ARNT2: variants seen among roughly 807,000 people sequenced by gnomAD.
ARNT2 encodes the protein aryl hydrocarbon receptor nuclear translocator 2.
In ARNT2, 36 loss-of-function variants were observed where a neutral mutation model predicts 91.7. The observed-to-expected ratio is 0.39, with a 90% CI of 0.30 to 0.52. The LOEUF (loss-of-function observed/expected upper bound fraction) is 0.52, where lower values mean the gene tolerates loss of function less well. ARNT2 is among the 20% of genes least tolerant of loss of function. The probability of loss-of-function intolerance (pLI) is 0.72; values close to 1 mark genes in which losing one functional copy is unlikely to be tolerated. For synonymous variants in ARNT2, 365 were observed against 347.1 expected, an observed-to-expected ratio of 1.05 and a Z score of -0.57; for missense variants, 775 against 939.3, an observed-to-expected ratio of 0.83 and a Z score of 2.29.
At chr15:80,431,095 C>T (rs3848169) in intron 1 of ARNT2, among the ~76,000 whole-genome samples, 99,947 of 151,922 alleles carry the variant, frequency 0.66, 33,866 homozygotes, top group East Asian at 0.81. Flanking sequence ...CAGGTACTTA[C>T]ATGTACCCCT....
At chr15:80,462,478 T>C (rs948694088) in intron 3 of ARNT2, among the ~76,000 whole-genome samples, 6 of 152,240 alleles carry the variant, frequency 3.9e-5, no homozygotes, top group Non-Finnish European at 7.3e-5. Flanking sequence ...CAAACAAGCA[T>C]GCAGTCCTCA....
intron 8 of ARNT2, among the ~76,000 whole-genome samples, chr15:80,518,972 T>C (rs1299160787): frequency 3.3e-5 from 5 of 152,120 alleles, no homozygotes; most frequent in Admixed American, 3.3e-4. Flanking sequence ...ACCTGGTGGG[T>C]TCCTGGAGGG....
chr15:80,574,771 C>G (rs1898639806), intron 13 of ARNT2, among the ~76,000 whole-genome samples: 1 of 152,180 alleles, frequency 6.6e-6, no homozygotes, highest in Non-Finnish European at 1.5e-5. Flanking sequence ...GCTGTCCTTC[C>G]TCTGACCTTC....
intron 5 of ARNT2, among the ~76,000 whole-genome samples, chr15:80,501,209 T>A (rs148301423): frequency 6.6e-6 from 1 of 152,164 alleles, no homozygotes; most frequent in African/African-American, 2.4e-5. Context: ...CCCTTGGCCA[T>A]AGGAAAAACC....
At chr15:80,442,112 G>C (rs1160169941) in intron 1 of ARNT2, among the ~76,000 whole-genome samples, 1 of 152,214 alleles carries the variant, frequency 6.6e-6, no homozygotes, top group Non-Finnish European at 1.5e-5. Context: ...GGGAGTTGCA[G>C]TTGGGATAAA....
At chr15:80,427,637 A>G (rs16972083) in intron 1 of ARNT2, among the ~76,000 whole-genome samples, 2,636 of 152,276 alleles carry the variant, frequency 0.017, 70 homozygotes, top group African/African-American at 0.06. Context: ...GCTGAAGTTG[A>G]TAGAATCACA....
rs549840949 is a variant in ARNT2 at position 80,545,901 on chromosome 15, A to C, written c.878-5298A>C. On this transcript the variant is annotated intron_variant, in intron 8 of 18. Transcript: ENST00000303329. The stretch of plus-strand genomic sequence containing the variant: ...AACCATCCCTTCACCCCGGAAGGAT[A>C]CAGGGAGGTAAAATCTAGCTTCTTT... 3.0e-4 allele frequency among the ~76,000 whole-genome samples: 46 copies of C among 152,336 alleles called. No individual in the cohort carries two copies. The East Asian group carries it at 8.9e-3, about 29-fold the overall frequency.
In ARNT2 at chr15:80,581,334, C is replaced by T. The variant is rs1898794797; in HGVS notation, c.1848C>T (p.Leu616=). The T allele has an allele frequency of 3.1e-6, 5 of 1,614,228 alleles. No individual in the cohort carries two copies. In the East Asian group the frequency reaches 1.1e-4, roughly 36 times the overall value. The part of the protein sequence containing the change: ...YPADPSSYSP[L]SSPATSSPSG... ...CAGACCCCTCTTCCTACAGCCCCCT[C>T]TCCAGCCCAGCTACCTCCTCGCCAA... is the stretch of plus-strand genomic sequence containing the variant. Residue 616 remains leucine, a synonymous_variant, in exon 17 of 19, where the codon CTC becomes CTT. Coordinates refer to ENST00000303329, the MANE Select transcript of ARNT2 (RefSeq NM_014862.4).
chr15:80,513,721 CAA>C (rs36113299), intron 6 of ARNT2, among the ~76,000 whole-genome samples, 188 bp from the exon 7 acceptor site: 9 of 100,906 alleles, frequency 8.9e-5, no homozygotes, highest in African/African-American at 2.3e-4. Context: ...TCTTCAGTCA[CAA>C]AAAAAAAAAA....
intron 14 of ARNT2, among the ~76,000 whole-genome samples, chr15:80,576,622 G>A (rs55885322): frequency 1.2e-3 from 190 of 152,334 alleles, no homozygotes; most frequent in African/African-American, 4.4e-3. Flanking sequence ...AAGCCTTGCC[G>A]TCAAGCAGCC....
At chr15:80,472,502 G>A (rs1467398380) in intron 4 of ARNT2, among the ~76,000 whole-genome samples, 1 of 152,214 alleles carries the variant, frequency 6.6e-6, no homozygotes, top group Non-Finnish European at 1.5e-5. Context: ...AGGAACTAAC[G>A]TTTATTACTG....
chr15:80,464,883 T>A (rs560806503), intron 3 of ARNT2, among the ~76,000 whole-genome samples: 11 of 152,258 alleles, frequency 7.2e-5, no homozygotes, highest in Admixed American at 6.5e-4. Context: ...CACCAGAGGC[T>A]CCTGACAGCT....
intron 18 of ARNT2, among the ~76,000 whole-genome samples, chr15:80,593,229 G>A (rs1260289059): frequency 1.3e-5 from 2 of 152,198 alleles, no homozygotes; most frequent in African/African-American, 4.8e-5. Context: ...ACTCCACTCT[G>A]CGTTGCATTT....
chr15:80,475,511 G>A (rs935725291), intron 5 of ARNT2: 42 of 273,936 alleles, frequency 1.5e-4, no homozygotes, highest in Non-Finnish European at 3.5e-5. Flanking sequence ...AGTGAGCCAA[G>A]ATTGTGCCAC....
rs148336163 is a variant in ARNT2, at chr15:80,576,917, A to G, written c.1565A>G (p.Tyr522Cys). ...SASAAGTQQI[Y>C]SQGSPFPSGH... ...TCTGCAGCAGGAACCCAGCAGATCT[A>G]CTCCCAAGGAAGCCCATTTCCCTCT... The change falls in exon 15 of 19, where the codon TAC (tyrosine) becomes TGC (cysteine). Residue 522 changes from tyrosine to cysteine, a missense_variant. Tyr to Cys is a radical substitution (Grantham distance 194, BLOSUM62 -2). Transcript: ENST00000303329. 6.2e-7 allele frequency: 1 copy of G among 1,613,842 alleles called. No homozygotes were observed. The highest frequency in any genetic ancestry group is 8.5e-7 in the Non-Finnish European group (1 of 1,180,012).
At chr15:80,559,059 A>G (rs1234491406) in intron 11 of ARNT2, among the ~76,000 whole-genome samples, 2 of 152,158 alleles carry the variant, frequency 1.3e-5, no homozygotes, top group Non-Finnish European at 2.9e-5. Context: ...TGCCTGCCCC[A>G]GGTTACAGAG....
chr15:80,549,105 A>G (rs1898037937), intron 8 of ARNT2, among the ~76,000 whole-genome samples: 2 of 152,328 alleles, frequency 1.3e-5, no homozygotes, highest in South Asian at 2.1e-4. Flanking sequence ...TATGGAAATT[A>G]TATGATAAAG....
chr15:80,516,046 T>C (rs902615505), intron 8 of ARNT2, among the ~76,000 whole-genome samples: 1 of 152,070 alleles, frequency 6.6e-6, no homozygotes, highest in Non-Finnish European at 1.5e-5. Context: ...ATTTTTTGTA[T>C]TTTTAGTAGA....
At chr15:80,415,851 T>C (rs992774072) in intron 1 of ARNT2, among the ~76,000 whole-genome samples, 16 of 152,120 alleles carry the variant, frequency 1.1e-4, no homozygotes, top group Admixed American at 8.5e-4. Context: ...TTTGGGCTTT[T>C]TGGTGGGGGT....
Sources: gnomAD v4.1 joint callset for allele counts (sites outside exome capture counted in the v4.1 genomes callset) on GRCh38, gnomAD v4.1.1 for gene constraint, MANE v1.5 for transcripts, NCBI Gene and HGNC (gene_info 2026-07-23, HGNC 2026-07-21) for gene names.